Variants in MAGI2 observed in about 807,000 individuals in gnomAD.
The protein encoded by MAGI2 is membrane associated guanylate kinase, WW and PDZ domain containing 2, also known as membrane-associated guanylate kinase, WW and PDZ domain-containing protein 2.
MAGI2 carries 35 observed loss-of-function variants against 133.3 expected under a neutral mutation model. That is an observed-to-expected ratio of 0.26 (90% CI 0.20 to 0.35). The LOEUF (loss-of-function observed/expected upper bound fraction) is 0.35. Ranked by LOEUF, MAGI2 falls within the 10% of genes least tolerant of loss-of-function variation. MAGI2 has a pLI of 1.00. For synonymous variants in MAGI2, 729 were observed against 710.6 expected (o/e 1.03, Z -0.41); for missense variants, 1,636 against 1,863.4 (o/e 0.88, Z 2.25).
intron 2 of MAGI2, among the ~76,000 whole-genome samples, chr7:78,852,594 C>T (rs1032068047): frequency 2.0e-5 from 3 of 152,052 alleles, no homozygotes; most frequent in African/African-American, 7.2e-5. Context: ...TTTCCATATG[C>T]AGAATCATTT....
chr7:78,727,622 C>T (rs982328245), intron 2 of MAGI2, among the ~76,000 whole-genome samples: 4 of 152,152 alleles, frequency 2.6e-5, no homozygotes, highest in Non-Finnish European at 5.9e-5. Context: ...ATGGAAGTCA[C>T]AACATGAAGG....
At chr7:79,148,207 C>A (rs149204083) in intron 1 of MAGI2, among the ~76,000 whole-genome samples, 3 of 152,074 alleles carry the variant, frequency 2.0e-5, no homozygotes, top group Non-Finnish European at 2.9e-5. Context: ...TGGATTGGAG[C>A]GAGGTGGGAG....
intron 1 of MAGI2, among the ~76,000 whole-genome samples, chr7:79,112,791 G>A (rs1819038652): frequency 1.3e-5 from 2 of 152,164 alleles, no homozygotes; most frequent in South Asian, 4.1e-4. Context: ...ATGACTGCAT[G>A]ATGAAACTGT....
intron 9 of MAGI2, among the ~76,000 whole-genome samples, chr7:78,264,063 T>G (rs1281998403): frequency 1.3e-5 from 2 of 152,184 alleles, no homozygotes; most frequent in African/African-American, 4.8e-5. Context: ...CTTCTTCCTG[T>G]GTGTTACTCT....
chr7:78,867,433 T>C (rs1360085280), intron 2 of MAGI2, among the ~76,000 whole-genome samples: 16 of 150,770 alleles, frequency 1.1e-4, no homozygotes, highest in African/African-American at 3.7e-4. Flanking sequence ...AGTAAACTAT[T>C]GCAAGAACAA....
intron 9 of MAGI2, among the ~76,000 whole-genome samples, chr7:78,334,139 A>G (rs1434862998): frequency 1.3e-5 from 2 of 152,178 alleles, no homozygotes; most frequent in Non-Finnish European, 2.9e-5. Context: ...CAACCAGGAA[A>G]TTGTATTAAA....
Position 78,141,485 on chromosome 7 carries a change from G to A in MAGI2, c.2846-6279C>T, listed in dbSNP as rs150206548. On this transcript the variant is annotated intron_variant, in intron 16 of 21. Coordinates refer to ENST00000354212, the MANE Select transcript of MAGI2 (RefSeq NM_012301.4). ...AGAGTTTTCTTTGTCATCATGGGGT[G>A]GAGATGTGGGAAAAAACATGTGTTT... Among the ~76,000 whole-genome samples the A allele has an allele frequency of 5.3e-5, 8 of 152,252 alleles. No individual in the cohort carries two copies. The East Asian group carries it at 5.8e-4, about 11-fold the overall frequency.
At chr7:79,165,537 A>G (rs192020860) in intron 1 of MAGI2, among the ~76,000 whole-genome samples, 8 of 152,234 alleles carry the variant, frequency 5.3e-5, no homozygotes, top group Non-Finnish European at 1.2e-4. Context: ...ACAAACACAT[A>G]CATTTTAATA....
intron 2 of MAGI2, among the ~76,000 whole-genome samples, chr7:78,658,343 G>A (rs922794627): frequency 1.3e-5 from 2 of 152,148 alleles, no homozygotes; most frequent in Admixed American, 1.3e-4. Flanking sequence ...AACTCAAATG[G>A]ATTATGGACT....
intron 1 of MAGI2, among the ~76,000 whole-genome samples, chr7:79,381,039 T>C (rs2049384917): frequency 6.6e-6 from 1 of 151,810 alleles, no homozygotes; most frequent in South Asian, 2.1e-4. Context: ...CTTCCAGTTA[T>C]AACCCTTCAC....
At position 78,411,846 on chromosome 7, in the gene MAGI2, T is replaced by C. The variant is rs552176747; in HGVS notation, c.1046-42633A>G. 6.0e-4 allele frequency among the ~76,000 whole-genome samples: 91 copies of C among 152,160 alleles called. 1 individual carries two copies. The highest frequency in any genetic ancestry group is 3.4e-3 in the Middle Eastern group (1 of 292). On this transcript the variant is annotated intron_variant, in intron 6 of 21. Coordinates refer to ENST00000354212, the MANE Select transcript of MAGI2 (RefSeq NM_012301.4). ...TGATTCTTGACTTCATTTAAATGAA[T>C]AAGGAGAAAGGAACTAATATTCCAA...
intron 2 of MAGI2, among the ~76,000 whole-genome samples, chr7:79,003,456 A>C (rs1342790263): frequency 2.0e-5 from 3 of 152,244 alleles, no homozygotes; most frequent in Non-Finnish European, 4.4e-5. Flanking sequence ...ATGCTAGATT[A>C]AACAAGGAGT....
intron 2 of MAGI2, among the ~76,000 whole-genome samples, chr7:78,850,453 TG>T (rs998286166): frequency 2.0e-5 from 3 of 152,152 alleles, no homozygotes; most frequent in African/African-American, 7.2e-5. Context: ...AGTATTAAAC[TG>T]GTTTGCTCCA....
At chr7:78,828,222 T>C (rs1790839180) in intron 2 of MAGI2, among the ~76,000 whole-genome samples, 1 of 152,210 alleles carries the variant, frequency 6.6e-6, no homozygotes. Context: ...CAGTAGCCTC[T>C]TTTTAAAAGG....
intron 2 of MAGI2, among the ~76,000 whole-genome samples, chr7:78,651,211 C>A (rs1374161650): frequency 2.0e-5 from 3 of 151,950 alleles, no homozygotes; most frequent in Admixed American, 2.0e-4. Flanking sequence ...TAATACAGAC[C>A]CTCCAGCCTC....
At chr7:79,214,407 CTATA>C (rs1196193501) in intron 1 of MAGI2, among the ~76,000 whole-genome samples, 640 of 17,586 alleles carry the variant, frequency 0.036, 7 homozygotes, top group South Asian at 0.063. Context: ...CTCTCTCTCT[CTATA>C]TATATATATA....
rs574548592 is a variant in MAGI2, at chr7:79,324,390, G to GTA, written c.301+128628_301+128629dup. Among the ~76,000 whole-genome samples the GTA allele has an allele frequency of 4.4e-4, 62 of 141,572 alleles. No homozygotes were observed. In the Middle Eastern group the frequency reaches 0.015, roughly 34 times the overall value. The allele number at this position is 141,572 out of a possible 152,430, so 92.9% of individuals were successfully genotyped here. A position where few individuals can be genotyped will look rare whatever the true frequency, so the allele number is the denominator to read the frequency against. On this transcript the variant is annotated intron_variant, in intron 1 of 21. Coordinates refer to ENST00000354212, the MANE Select transcript of MAGI2 (RefSeq NM_012301.4). ...GTATGTATATATATACAGTGTGTATGTATATATATATACACACAACGTATC... is the reference window on the plus strand; with the variant it reads ...GTATGTATATATATACAGTGTGTATGTATATATATATATACACACAACGTATC...
chr7:79,105,058 C>T (rs549497078), intron 1 of MAGI2, among the ~76,000 whole-genome samples: 3 of 152,346 alleles, frequency 2.0e-5, no homozygotes, highest in East Asian at 3.9e-4. Context: ...GTTTTGCTCT[C>T]CACTGATTTC....
intron 2 of MAGI2, among the ~76,000 whole-genome samples, chr7:78,905,339 C>A (rs1057127112): frequency 6.6e-6 from 1 of 152,144 alleles, no homozygotes; most frequent in Non-Finnish European, 1.5e-5. Context: ...CACCTTGACC[C>A]CAAGGTTAGG....
Sources: allele counts gnomAD v4.1 joint callset (sites outside exome capture counted in the v4.1 genomes callset), GRCh38; gene constraint gnomAD v4.1.1; transcripts MANE v1.5; gene names NCBI Gene and HGNC (gene_info 2026-07-23, HGNC 2026-07-21).